Variants in FIG4 observed in about 807,000 individuals in gnomAD.
The protein encoded by FIG4 is FIG4 phosphoinositide 5-phosphatase.
In FIG4, 112 loss-of-function variants were observed where a neutral mutation model predicts 118.6. That is an observed-to-expected ratio of 0.94 (90% confidence interval 0.81 to 1.11). The LOEUF (loss-of-function observed/expected upper bound fraction) is 1.11. Among genes scored for constraint, FIG4 ranks in the 50% least tolerant of loss-of-function variants. The pLI is 0.00. For synonymous variants in FIG4, 369 were observed against 381.2 expected (o/e 0.97, Z 0.37); for missense variants, 969 against 1,111.7 (o/e 0.87, Z 1.83).
intron 20 of FIG4, among the ~76,000 whole-genome samples, 168 bp downstream of exon 20, chr6:109,791,739 T>C (rs1417543746): frequency 2.6e-5 from 4 of 152,262 alleles, no homozygotes; most frequent in Non-Finnish European, 5.9e-5. Context: ...TGATTTTATT[T>C]CATTTCAAAA....
rs758303614 is a variant in FIG4, at chr6:109,741,549, G to GATGACAA, written c.876+7_876+13dup. 21 of 1,554,602 alleles carry GATGACAA rather than the reference G, an allele frequency of 1.4e-5. No homozygotes were observed. The highest frequency in any genetic ancestry group is 1.7e-5 in the Non-Finnish European group (19 of 1,126,012). Reference sequence around the variant, plus strand: ...AAAAGAGGTGCAAACTGTGAGGTAAGATGACAAACAGTATCTTCACTGACC... The same window carrying GATGACAA: ...AAAAGAGGTGCAAACTGTGAGGTAAGATGACAAATGACAAACAGTATCTTCACTGACC... On this transcript the variant is annotated splice_donor_region_variant and intron_variant, in intron 8 of 22. Coordinates refer to ENST00000230124, the MANE Select transcript of FIG4 (RefSeq NM_014845.6).
chr6:109,695,527 G>A (rs79058791), intron 1 of FIG4, among the ~76,000 whole-genome samples: 5,407 of 151,770 alleles, frequency 0.036, 317 homozygotes, highest in African/African-American at 0.13. Flanking sequence ...CTCATAATAA[G>A]CAGATACTGT....
chr6:109,796,847 A>AGTACTAGATT lies in FIG4; in HGVS notation c.2542_2543insGTACTAGATT (p.Lys848SerfsTer15), dbSNP rs1262517602. 22 of 1,562,782 alleles carry AGTACTAGATT rather than the reference A, an allele frequency of 1.4e-5. No homozygotes were observed. The highest frequency in any genetic ancestry group is 1.9e-5 in the Non-Finnish European group (22 of 1,133,246). On this transcript the variant is annotated frameshift_variant, in exon 22 of 23. Transcript: ENST00000230124. LOFTEE classifies it high-confidence loss of function. The stretch of plus-strand genomic sequence containing the variant: ...TTCTAGGTGCTCAGATGGAGTTATA[A>AGTACTAGATT]AACTGTAAGTACTAGATTAGATCTT...
chr6:109,711,170 T>A (rs1166255711), intron 1 of FIG4, among the ~76,000 whole-genome samples: 1 of 152,082 alleles, frequency 6.6e-6, no homozygotes. Context: ...GAGGCTGAGA[T>A]GGGTGGATCA....
At chr6:109,775,361 A>T (rs1777588674) in intron 15 of FIG4, among the ~76,000 whole-genome samples, 2 of 152,332 alleles carry the variant, frequency 1.3e-5, no homozygotes, top group South Asian at 4.1e-4. Flanking sequence ...AGGCTTCTTT[A>T]TGATCCTTTG....
intron 21 of FIG4, among the ~76,000 whole-genome samples, chr6:109,795,895 G>T (rs57285958): frequency 6.6e-6 from 1 of 152,016 alleles, no homozygotes; most frequent in Non-Finnish European, 1.5e-5. Flanking sequence ...GCCACTGCGC[G>T]TGGCCTGGAA....
rs546035046 is a variant in FIG4 at position 109,824,401 on chromosome 6, C to T, written c.2547-687C>T. ...CAATAGTTAGACACATTAATATTCACGGGAAGTGGGGGTGATTATTGTCAG... is the reference window on the plus strand; with the variant it reads ...CAATAGTTAGACACATTAATATTCATGGGAAGTGGGGGTGATTATTGTCAG... On this transcript the variant is annotated intron_variant, in intron 22 of 22. Coordinates refer to ENST00000230124, the MANE Select transcript of FIG4 (RefSeq NM_014845.6). 7.9e-5 allele frequency among the ~76,000 whole-genome samples: 12 copies of T among 152,216 alleles called. No individual in the cohort carries two copies. In the South Asian group the frequency reaches 1.5e-3, roughly 18 times the overall value.
intron 1 of FIG4, among the ~76,000 whole-genome samples, chr6:109,696,999 G>A (rs1774742989): frequency 6.6e-6 from 1 of 151,982 alleles, no homozygotes; most frequent in Non-Finnish European, 1.5e-5. Flanking sequence ...ATCACTCTAT[G>A]TTTCATATGT....
intron 1 of FIG4, among the ~76,000 whole-genome samples, chr6:109,704,389 C>G (rs1371022185): frequency 6.6e-6 from 1 of 152,050 alleles, no homozygotes; most frequent in Non-Finnish European, 1.5e-5. Context: ...GGCATGGTGG[C>G]TCATGCCTGT....
intron 15 of FIG4, 92 bp downstream of exon 15, chr6:109,766,987 T>TA: frequency 9.5e-7 from 1 of 1,055,302 alleles, no homozygotes; most frequent in Non-Finnish European, 1.4e-6. Context: ...GAAATTAAAA[T>TA]TTAATATTTT....
intron 10 of FIG4, among the ~76,000 whole-genome samples, chr6:109,747,136 G>A (rs957442874): frequency 6.6e-6 from 1 of 152,106 alleles, no homozygotes; most frequent in Non-Finnish European, 1.5e-5. Context: ...CGATGCTTGA[G>A]TCCTCTAAAC....
At chr6:109,700,919 A>G (rs1180854415) in intron 1 of FIG4, among the ~76,000 whole-genome samples, 1 of 152,166 alleles carries the variant, frequency 6.6e-6, no homozygotes, top group Non-Finnish European at 1.5e-5. Context: ...AGAAAATCTG[A>G]TTTACTTCTG....
intron 1 of FIG4, among the ~76,000 whole-genome samples, chr6:109,695,475 G>T (rs1409250839): frequency 6.6e-6 from 1 of 152,092 alleles, no homozygotes; most frequent in African/African-American, 2.4e-5. Context: ...AGCTTCCTGG[G>T]TATTTTTCTG....
intron 10 of FIG4, among the ~76,000 whole-genome samples, chr6:109,746,285 T>C (rs1391432431): frequency 1.3e-5 from 2 of 152,170 alleles, no homozygotes; most frequent in African/African-American, 4.8e-5. Context: ...AAGGCAGTTC[T>C]AGAAACAGCT....
At chr6:109,760,439 T>A in intron 11 of FIG4, 56 bp downstream of exon 11, 1 of 1,494,050 alleles carries the variant, frequency 6.7e-7, no homozygotes, top group Non-Finnish European at 9.3e-7. Flanking sequence ...TGATGAGAAA[T>A]AACAGGAAGC....
Position 109,702,779 on chromosome 6 carries a change from C to T in FIG4, c.66+11278C>T, listed in dbSNP as rs867788744. ...GATGACTTTTCTGTCTTCTTTCAAT[C>T]CCTAGTTCTTACTACAAATTTGTAA... On this transcript the variant is annotated intron_variant, in intron 1 of 22. Transcript: ENST00000230124. 3.3e-5 allele frequency among the ~76,000 whole-genome samples: 5 copies of T among 152,256 alleles called. 1 individual carries two copies. The highest frequency in any genetic ancestry group is 6.8e-3 in the Middle Eastern group (2 of 294).
chr6:109,713,553 A>C (rs1343943263), intron 1 of FIG4, among the ~76,000 whole-genome samples: 1 of 152,162 alleles, frequency 6.6e-6, no homozygotes, highest in Non-Finnish European at 1.5e-5. Context: ...CCAAGGCTCC[A>C]GCTGCAATGG....
At chr6:109,718,090 A>G (rs896713127) in intron 3 of FIG4, among the ~76,000 whole-genome samples, 2 of 152,176 alleles carry the variant, frequency 1.3e-5, no homozygotes, top group Non-Finnish European at 2.9e-5. Flanking sequence ...ACTTACAATT[A>G]TGGCAGAAGG....
chr6:109,715,366 G>T (rs184511734), intron 2 of FIG4, among the ~76,000 whole-genome samples, 190 bp downstream of exon 2: 1 of 152,100 alleles, frequency 6.6e-6, no homozygotes, highest in Non-Finnish European at 1.5e-5. Flanking sequence ...CAAGAAGTAC[G>T]CCAGAATTAT....
Sources: allele counts gnomAD v4.1 joint callset (sites outside exome capture counted in the v4.1 genomes callset), GRCh38; gene constraint gnomAD v4.1.1; transcripts MANE v1.5; gene names NCBI Gene and HGNC (gene_info 2026-07-23, HGNC 2026-07-21).